The following CNTN4 variants were observed in gnomAD, a reference collection of about 807,000 sequenced individuals.
The protein encoded by CNTN4 is contactin-4.
Under a neutral mutation model 122.5 loss-of-function variants are expected in CNTN4, and 77 were observed. The observed-to-expected ratio is 0.63, with a 90% CI of 0.52 to 0.76. The LOEUF is 0.76. Ranked by LOEUF, CNTN4 falls within the 30% of genes least tolerant of loss-of-function variation. CNTN4 has a pLI of 0.00. For missense variants in CNTN4, 1,256 were observed against 1,259.1 expected (o/e 1.00, Z 0.04); for synonymous variants, 512 against 447.0 (o/e 1.15, Z -1.83).
At chr3:2,693,622 C>T (rs1057090458) in intron 4 of CNTN4, among the ~76,000 whole-genome samples, 2 of 152,012 alleles carry the variant, frequency 1.3e-5, no homozygotes, top group African/African-American at 4.8e-5. Context: ...CAGCTTTAGT[C>T]TGGAGAGAAA....
chr3:2,379,738 G>C (rs2045947186), intron 3 of CNTN4, among the ~76,000 whole-genome samples: 1 of 152,044 alleles, frequency 6.6e-6, no homozygotes, highest in Non-Finnish European at 1.5e-5. Context: ...TTCCTCATTT[G>C]CTTAAACTAC....
rs187000393 is a variant in CNTN4, at chr3:2,970,549, C to T, written c.1359-17796C>T. On this transcript the variant is annotated intron_variant, in intron 13 of 24. Coordinates refer to ENST00000418658, the MANE Select transcript of CNTN4 (RefSeq NM_175607.3). ...GCAGCCTCGACCTGCTGGGCTCAAG[C>T]AATCCTGCCACCTCAGCCTCCCGGG... 2.4e-3 allele frequency among the ~76,000 whole-genome samples: 362 copies of T among 151,840 alleles called. 2 individuals are homozygous for T. The highest frequency in any genetic ancestry group is 7.9e-3 in the African/African-American group (329 of 41,406).
chr3:2,490,821 C>A (rs1033085215), intron 3 of CNTN4, among the ~76,000 whole-genome samples: 1 of 152,156 alleles, frequency 6.6e-6, no homozygotes, highest in Non-Finnish European at 1.5e-5. Flanking sequence ...TACTTCTCTT[C>A]CTTGCTGGAT....
At chr3:2,662,464 A>C (rs971260197) in intron 4 of CNTN4, among the ~76,000 whole-genome samples, 17 of 152,204 alleles carry the variant, frequency 1.1e-4, no homozygotes, top group African/African-American at 4.1e-4. Flanking sequence ...TAAAAGGAAC[A>C]CTGTGCAAGA....
intron 2 of CNTN4, among the ~76,000 whole-genome samples, chr3:2,102,466 G>T (rs921545824): frequency 2.0e-5 from 3 of 152,188 alleles, no homozygotes; most frequent in Non-Finnish European, 4.4e-5. Context: ...CTCTTTAGCA[G>T]ATATAACAGA....
At chr3:2,135,623 G>C (rs1293451881) in intron 2 of CNTN4, among the ~76,000 whole-genome samples, 4 of 151,726 alleles carry the variant, frequency 2.6e-5, no homozygotes, top group African/African-American at 9.7e-5. Flanking sequence ...CTAAAGTGTG[G>C]GGGCAGAGCT....
At chr3:2,534,640 GC>G (rs1257802128) in intron 3 of CNTN4, among the ~76,000 whole-genome samples, 2 of 151,842 alleles carry the variant, frequency 1.3e-5, no homozygotes, top group African/African-American at 4.8e-5. Flanking sequence ...CTGTTTTCCA[GC>G]TGAGGGCTGT....
intron 7 of CNTN4, among the ~76,000 whole-genome samples, chr3:2,828,994 C>A (rs2093044481): frequency 6.6e-6 from 1 of 152,182 alleles, no homozygotes; most frequent in Non-Finnish European, 1.5e-5. Flanking sequence ...CTACCTCAGC[C>A]TCCCAAAGTG....
At chr3:2,232,278 C>T (rs1409958485) in intron 2 of CNTN4, among the ~76,000 whole-genome samples, 1 of 152,026 alleles carries the variant, frequency 6.6e-6, no homozygotes, top group African/African-American at 2.4e-5. Context: ...TCCAATTTTA[C>T]AGGGTTTACA....
chr3:2,254,236 C>T (rs2040489867), intron 2 of CNTN4, among the ~76,000 whole-genome samples: 1 of 152,084 alleles, frequency 6.6e-6, no homozygotes. Context: ...TTTTTAATGG[C>T]TGCATAGTAT....
chr3:2,138,031 C>G (rs1009794118), intron 2 of CNTN4, among the ~76,000 whole-genome samples: 11 of 151,062 alleles, frequency 7.3e-5, no homozygotes, highest in African/African-American at 2.7e-4. Flanking sequence ...CAGCTTCTAG[C>G]TGGAATGTGA....
At chr3:2,958,393 T>C (rs2094821543) in intron 13 of CNTN4, among the ~76,000 whole-genome samples, 1 of 152,176 alleles carries the variant, frequency 6.6e-6, no homozygotes, top group South Asian at 2.1e-4. Flanking sequence ...GAGGCCTAGA[T>C]ATTGGACCAT....
chr3:3,010,973 G>T (rs1215550517), intron 14 of CNTN4, among the ~76,000 whole-genome samples: 2 of 152,172 alleles, frequency 1.3e-5, no homozygotes, highest in African/African-American at 4.8e-5. Context: ...CTCCTCTGAA[G>T]TTTGCTACCC....
intron 13 of CNTN4, among the ~76,000 whole-genome samples, chr3:2,973,707 A>G (rs1203561696): frequency 6.6e-6 from 1 of 152,044 alleles, no homozygotes; most frequent in East Asian, 1.9e-4. Flanking sequence ...TGAAAGGGAG[A>G]CAGAGAGATG....
intron 13 of CNTN4, among the ~76,000 whole-genome samples, chr3:2,949,294 C>A (rs6442770): frequency 0.81 from 123,123 of 152,124 alleles, 50,650 homozygotes; most frequent in African/African-American, 0.95. Context: ...CCAACCAAAA[C>A]GAGTGTGATG....
At chr3:2,472,718 C>T (rs1559584395) in intron 3 of CNTN4, among the ~76,000 whole-genome samples, 1 of 152,164 alleles carries the variant, frequency 6.6e-6, no homozygotes, top group Non-Finnish European at 1.5e-5. Flanking sequence ...GGCTCCATTG[C>T]AGAAGAAATG....
chr3:2,834,691 C>G lies in CNTN4; in HGVS notation c.454+15110C>G, dbSNP rs889236576. 3.9e-5 allele frequency among the ~76,000 whole-genome samples: 6 copies of G among 151,976 alleles called. No individual in the cohort carries two copies. In the South Asian group the frequency reaches 6.3e-4, roughly 16 times the overall value. ...ATATGACAGATATGAGTGTGTGTAG[C>G]TTATGAAATATAAAGAAATGCAACT... is the stretch of plus-strand genomic sequence containing the variant. On this transcript the variant is annotated intron_variant, in intron 7 of 24. Transcript: ENST00000418658.
chr3:2,403,658 G>A (rs2046935234), intron 3 of CNTN4, among the ~76,000 whole-genome samples: 1 of 152,100 alleles, frequency 6.6e-6, no homozygotes, highest in Non-Finnish European at 1.5e-5. Context: ...ATCAAATAAT[G>A]TACTCAAACC....
At chr3:2,701,723 A>T (rs1250024281) in intron 4 of CNTN4, among the ~76,000 whole-genome samples, 1 of 152,190 alleles carries the variant, frequency 6.6e-6, no homozygotes, top group Non-Finnish European at 1.5e-5. Flanking sequence ...GGAAGTCATA[A>T]ACACTCTGAG....
Sources: gnomAD v4.1 joint callset for allele counts (sites outside exome capture counted in the v4.1 genomes callset) on GRCh38, gnomAD v4.1.1 for gene constraint, MANE v1.5 for transcripts, NCBI Gene and HGNC (gene_info 2026-07-23, HGNC 2026-07-21) for gene names.